Variants in MAPRE3 observed in about 807,000 individuals in gnomAD.
The protein encoded by MAPRE3 is microtubule-associated protein RP/EB family member 3.
A neutral mutation model predicts 30.5 loss-of-function variants in MAPRE3; 2 were observed. The ratio of observed to expected loss-of-function variants is 0.07; its 90% CI spans 0.03 to 0.21. MAPRE3 has a LOEUF of 0.21. Ranked by LOEUF, MAPRE3 falls within the 10% of genes least tolerant of loss-of-function variation. The pLI is 1.00. For missense variants in MAPRE3, 204 were observed against 351.8 expected, an observed-to-expected ratio of 0.58 and a Z score of 3.36; for synonymous variants, 110 against 127.7, an observed-to-expected ratio of 0.86 and a Z score of 0.93.
chr2:27,012,497 G>C (rs1392747549), intron 1 of MAPRE3: 1 of 152,220 alleles, frequency 6.6e-6, no homozygotes, highest in African/African-American at 2.4e-5. Flanking sequence ...AGGCTTTCTG[G>C]AGCTGGATGC....
chr2:26,983,025 C>T (rs1019337071), intron 1 of MAPRE3, among the ~76,000 whole-genome samples: 6 of 152,094 alleles, frequency 3.9e-5, no homozygotes, highest in Non-Finnish European at 5.9e-5. Context: ...AAGGCCCAAC[C>T]CAGCTCCTGT....
chr2:27,006,386 T>C (rs1303877929), intron 1 of MAPRE3, among the ~76,000 whole-genome samples: 1 of 152,184 alleles, frequency 6.6e-6, no homozygotes, highest in African/African-American at 2.4e-5. Flanking sequence ...CAGACCCCTG[T>C]AACAAAAGAC....
chr2:26,979,825 G>A (rs1376638230), intron 1 of MAPRE3, among the ~76,000 whole-genome samples: 1 of 152,154 alleles, frequency 6.6e-6, no homozygotes, highest in Non-Finnish European at 1.5e-5. Context: ...CAGAAATTAG[G>A]AAGTTTGAAG....
chr2:27,013,952 A>C (rs899320332), intron 1 of MAPRE3: 11 of 152,180 alleles, frequency 7.2e-5, no homozygotes, highest in Admixed American at 5.2e-4. Flanking sequence ...CTGATGCTTC[A>C]TGAGAACTGA....
chr2:27,023,691 T>A lies in MAPRE3; in HGVS notation c.267+214T>A, dbSNP rs1167373892. On this transcript the variant is annotated intron_variant, in intron 3 of 6. Coordinates refer to ENST00000233121, the MANE Select transcript of MAPRE3 (RefSeq NM_012326.4). ...GCCATCATGACAACATTCCTTTCCCTTCCTCCTCTCTGGACCCTGCCCACC... is the reference window on the plus strand; with the variant it reads ...GCCATCATGACAACATTCCTTTCCCATCCTCCTCTCTGGACCCTGCCCACC... The A allele has an allele frequency of 1.2e-5, 7 of 580,948 alleles. No individual in the cohort carries two copies. The East Asian group carries it at 2.1e-4, about 18-fold the overall frequency. The allele number at this position is 580,948 out of a possible 1,614,324, so 36.0% of individuals were successfully genotyped here. A position where few individuals can be genotyped will look rare whatever the true frequency, so the allele number is the denominator to read the frequency against.
chr2:27,020,735 A>G (rs554101009), intron 1 of MAPRE3, among the ~76,000 whole-genome samples: 1 of 152,392 alleles, frequency 6.6e-6, no homozygotes, highest in Non-Finnish European at 1.5e-5. Context: ...AATTCGGCCA[A>G]GGAGTGTCTC....
At chr2:26,977,691 A>G (rs913980383) in intron 1 of MAPRE3, among the ~76,000 whole-genome samples, 1 of 152,174 alleles carries the variant, frequency 6.6e-6, no homozygotes, top group African/African-American at 2.4e-5. Flanking sequence ...ATGTAGACAT[A>G]GGCTAGGCCA....
chr2:26,995,780 G>GTGTGTGTGTGT (rs1666439666), intron 1 of MAPRE3, among the ~76,000 whole-genome samples: 1 of 109,638 alleles, frequency 9.1e-6, no homozygotes, highest in Non-Finnish European at 1.8e-5. Flanking sequence ...TTCTAAGAGA[G>GTGTGTGTGTGT]GTGTGTGTGT....
intron 1 of MAPRE3, among the ~76,000 whole-genome samples, chr2:27,011,196 T>C (rs1400041161): frequency 6.6e-6 from 1 of 152,128 alleles, no homozygotes; most frequent in Non-Finnish European, 1.5e-5. Context: ...TAAATATGTT[T>C]CCCATGTCCA....
intron 1 of MAPRE3, among the ~76,000 whole-genome samples, chr2:27,010,790 C>A (rs1243654270): frequency 6.6e-6 from 1 of 152,218 alleles, no homozygotes; most frequent in African/African-American, 2.4e-5. Flanking sequence ...CCAAAATGCT[C>A]TCCACCCTGC....
chr2:26,981,071 GA>G (rs1015086514), intron 1 of MAPRE3, among the ~76,000 whole-genome samples: 2 of 152,110 alleles, frequency 1.3e-5, no homozygotes, highest in Non-Finnish European at 2.9e-5. Flanking sequence ...TGAGGTGGGG[GA>G]GGGAGAGGGT....
intron 1 of MAPRE3, chr2:27,014,969 C>G (rs1422903143): frequency 2.6e-5 from 4 of 152,318 alleles, no homozygotes; most frequent in African/African-American, 9.6e-5. Flanking sequence ...AGCATCTGTT[C>G]CAGTTGTCTT....
chr2:26,980,776 A>G (rs1366010289), intron 1 of MAPRE3, among the ~76,000 whole-genome samples: 2 of 152,262 alleles, frequency 1.3e-5, no homozygotes, highest in Non-Finnish European at 2.9e-5. Flanking sequence ...CAATTAGAGT[A>G]AAAGTTTGGT....
chr2:27,021,328 T>C (rs1415158232), intron 1 of MAPRE3, among the ~76,000 whole-genome samples: 1 of 152,082 alleles, frequency 6.6e-6, no homozygotes, highest in Non-Finnish European at 1.5e-5. Flanking sequence ...AATGACTTGA[T>C]AGGTGCATGA....
rs1666194822 is a variant in MAPRE3 at position 26,985,250 on chromosome 2, T to C, written c.-8+14448T>C. Among the ~76,000 whole-genome samples the C allele has an allele frequency of 6.6e-6, 1 of 152,268 alleles. No homozygotes were observed. The highest frequency in any genetic ancestry group is 2.4e-5 in the African/African-American group (1 of 41,472). ...TCTTCTTCCCTTTTGGGGAAGGATG[T>C]TGGCCTTTCCTCAAGTCAGGCAGAA... On this transcript the variant is annotated intron_variant, in intron 1 of 6. Transcript: ENST00000233121. This position sits in a 1 kb window ranked among gnomAD's most constrained non-coding sequence, Gnocchi z 4.2.
intron 3 of MAPRE3, chr2:27,023,827 C>CT (rs1170466442): frequency 1.9e-6 from 1 of 513,328 alleles, no homozygotes; most frequent in Non-Finnish European, 3.6e-6. Flanking sequence ...TGCAGACCCC[C>CT]AGCCCACACG....
chr2:26,991,739 CT>C (rs1302238810), intron 1 of MAPRE3, among the ~76,000 whole-genome samples: 1 of 152,208 alleles, frequency 6.6e-6, no homozygotes, highest in Non-Finnish European at 1.5e-5. Context: ...CTGGAAGGCC[CT>C]GGCAACGTCT....
At chr2:26,974,234 T>G (rs1665971404) in intron 1 of MAPRE3, among the ~76,000 whole-genome samples, 1 of 152,218 alleles carries the variant, frequency 6.6e-6, no homozygotes, top group Non-Finnish European at 1.5e-5. Context: ...AATAATTTAG[T>G]AGTCCGTAAT....
At chr2:26,988,147 T>C (rs1165527391) in intron 1 of MAPRE3, among the ~76,000 whole-genome samples, 1 of 152,224 alleles carries the variant, frequency 6.6e-6, no homozygotes, top group Non-Finnish European at 1.5e-5. Context: ...GTGTGTCCCT[T>C]GGCCCACTGT....
Sources: allele counts gnomAD v4.1 joint callset (sites outside exome capture counted in the v4.1 genomes callset), GRCh38; gene constraint gnomAD v4.1.1; non-coding constraint Gnocchi (gnomAD v3.1); transcripts MANE v1.5; gene names NCBI Gene and HGNC (gene_info 2026-07-23, HGNC 2026-07-21).